APBB2: variants seen among roughly 807,000 people sequenced by gnomAD.
The protein encoded by APBB2 is amyloid beta precursor protein binding family B member 2, also known as Fe65-like 1.
In APBB2, 38 loss-of-function variants were observed where a neutral mutation model predicts 82.5. The ratio of observed to expected loss-of-function variants is 0.46; its 90% CI spans 0.36 to 0.60. The LOEUF is 0.60. Among genes scored for constraint, APBB2 ranks in the 20% least tolerant of loss-of-function variants. APBB2 has a pLI of 0.00. For missense variants in APBB2, 772 were observed against 972.3 expected (o/e 0.79, Z 2.74); for synonymous variants, 341 against 368.2 (o/e 0.93, Z 0.85).
chr4:41,170,281 G>A (rs538812282), intron 1 of APBB2, among the ~76,000 whole-genome samples: 23 of 152,102 alleles, frequency 1.5e-4, no homozygotes, highest in Non-Finnish European at 1.5e-4. Flanking sequence ...AGGCCATCCG[G>A]AGGGCAATCT....
At chr4:41,066,406 C>T (rs1731829017) in intron 3 of APBB2, among the ~76,000 whole-genome samples, 1 of 152,178 alleles carries the variant, frequency 6.6e-6, no homozygotes, top group Non-Finnish European at 1.5e-5. Context: ...ACACCCAGCA[C>T]CATGCTAAGC....
chr4:41,014,456 G>A (rs1809311306), intron 5 of APBB2, 58 bp from the exon 6 acceptor site: 2 of 1,457,250 alleles, frequency 1.4e-6, no homozygotes, highest in Admixed American at 1.9e-5. Context: ...AGTATACAGT[G>A]TGAGTAAATA....
intron 12 of APBB2, among the ~76,000 whole-genome samples, chr4:40,853,396 C>G (rs1760120885): frequency 6.6e-6 from 1 of 152,142 alleles, no homozygotes; most frequent in Non-Finnish European, 1.5e-5. Context: ...CCAGCACAAA[C>G]CACTGGCCTC....
chr4:41,192,328 T>C (rs2154071416), intron 1 of APBB2, among the ~76,000 whole-genome samples: 1 of 152,328 alleles, frequency 6.6e-6, no homozygotes, highest in African/African-American at 2.4e-5. Context: ...CTCATTAAGA[T>C]ATCTGCAGTG....
chr4:41,179,060 C>G (rs967234216), intron 1 of APBB2, among the ~76,000 whole-genome samples: 1 of 151,926 alleles, frequency 6.6e-6, no homozygotes, highest in Non-Finnish European at 1.5e-5. Context: ...ATACGTGTCA[C>G]GTCTATTGCA....
At chr4:41,214,207 G>C (rs1780072531) in intron 1 of APBB2, among the ~76,000 whole-genome samples, 198 bp downstream of exon 1, 1 of 152,158 alleles carries the variant, frequency 6.6e-6, no homozygotes, top group Non-Finnish European at 1.5e-5. Context: ...TGCAGATGCC[G>C]CGGCAGCTGC....
chr4:41,083,354 G>C (rs1043740608), intron 3 of APBB2, among the ~76,000 whole-genome samples: 1 of 151,994 alleles, frequency 6.6e-6, no homozygotes, highest in Non-Finnish European at 1.5e-5. Flanking sequence ...TATAGCTTTA[G>C]GGCTTACAGG....
intron 3 of APBB2, among the ~76,000 whole-genome samples, chr4:41,097,958 C>T (rs1299911549): frequency 6.6e-6 from 1 of 151,892 alleles, no homozygotes; most frequent in Non-Finnish European, 1.5e-5. Context: ...TTTCAAAGAG[C>T]AGTCAGAAAC....
At chr4:40,934,365 G>C in intron 10 of APBB2, 91 bp downstream of exon 10, 1 of 1,287,572 alleles carries the variant, frequency 7.8e-7, no homozygotes, top group Non-Finnish European at 1.1e-6. Flanking sequence ...ATGGCTCTGG[G>C]TTGATGGTTT....
intron 3 of APBB2, among the ~76,000 whole-genome samples, chr4:41,075,147 G>A (rs1366416894): frequency 6.6e-6 from 1 of 152,034 alleles, no homozygotes; most frequent in Non-Finnish European, 1.5e-5. Context: ...AAAAACAAAA[G>A]AAATCAGATC....
At chr4:40,914,752 C>T (rs1055574696) in intron 10 of APBB2, among the ~76,000 whole-genome samples, 1 of 152,088 alleles carries the variant, frequency 6.6e-6, no homozygotes, top group South Asian at 2.1e-4. Flanking sequence ...TTATAGAATT[C>T]AATTGCCGCA....
At chr4:41,126,135 T>C (rs193110963) in intron 2 of APBB2, among the ~76,000 whole-genome samples, 1 of 150,014 alleles carries the variant, frequency 6.7e-6, no homozygotes, top group African/African-American at 2.5e-5. Context: ...ATCCCAGCAC[T>C]GTGGGAGGCA....
At chr4:41,059,578 T>G (rs914592186) in intron 4 of APBB2, among the ~76,000 whole-genome samples, 1 of 152,286 alleles carries the variant, frequency 6.6e-6, no homozygotes, top group South Asian at 2.1e-4. Context: ...AAGGCGTTCT[T>G]AAGCCACAAA....
intron 10 of APBB2, among the ~76,000 whole-genome samples, chr4:40,919,505 C>A (rs1397592832): frequency 1.3e-5 from 2 of 152,206 alleles, no homozygotes; most frequent in Non-Finnish European, 2.9e-5. Flanking sequence ...GAAATCCATG[C>A]TGCTTAATTT....
At chr4:40,892,556 A>G (rs1029208832) in intron 11 of APBB2, 7 of 152,378 alleles carry the variant, frequency 4.6e-5, no homozygotes, top group African/African-American at 1.7e-4. Flanking sequence ...CACTAGAAGC[A>G]GAGAGAACAA....
At chr4:41,105,659 C>T (rs1170486912) in intron 2 of APBB2, among the ~76,000 whole-genome samples, 1 of 152,090 alleles carries the variant, frequency 6.6e-6, no homozygotes, top group African/African-American at 2.4e-5. Flanking sequence ...CCAAGGCGGG[C>T]AGATCACAAG....
chr4:40,976,039 T>C (rs1474031490), intron 6 of APBB2, among the ~76,000 whole-genome samples: 1 of 152,188 alleles, frequency 6.6e-6, no homozygotes, highest in Non-Finnish European at 1.5e-5. Context: ...TGAATTTTTA[T>C]CCTTCTTTCT....
intron 12 of APBB2, among the ~76,000 whole-genome samples, chr4:40,868,386 T>C (rs1764580767): frequency 6.6e-6 from 1 of 152,162 alleles, no homozygotes; most frequent in African/African-American, 2.4e-5. Context: ...ATATAGAAAA[T>C]TTTTTGAGGA....
chr4:41,142,381 G>A (rs1759495150), intron 2 of APBB2, among the ~76,000 whole-genome samples: 1 of 150,964 alleles, frequency 6.6e-6, no homozygotes, highest in African/African-American at 2.5e-5. Flanking sequence ...ATGTTTTTCA[G>A]GACATTCTCT....
Sources: gnomAD v4.1 joint callset for allele counts (sites outside exome capture counted in the v4.1 genomes callset) on GRCh38, gnomAD v4.1.1 for gene constraint, MANE v1.5 for transcripts, NCBI Gene and HGNC (gene_info 2026-07-23, HGNC 2026-07-21) for gene names.